WNT3A: variants seen among roughly 807,000 people sequenced by gnomAD.
WNT3A encodes Wnt family member 3A.
In WNT3A, 17 loss-of-function variants were observed where a neutral mutation model predicts 37.0. That is an observed-to-expected ratio of 0.46 (90% CI 0.31 to 0.69). The LOEUF is 0.69. Ranked by LOEUF, WNT3A falls within the 30% of genes least tolerant of loss-of-function variation. WNT3A has a pLI of 0.05. For missense variants in WNT3A, 411 were observed against 510.2 expected, an observed-to-expected ratio of 0.81 and a Z score of 1.87; for synonymous variants, 187 against 211.0, an observed-to-expected ratio of 0.89 and a Z score of 0.99.
At position 228,050,933 on chromosome 1, in the gene WNT3A, GC is replaced by G; in HGVS notation, c.579+15del. On this transcript the variant is annotated intron_variant, in intron 3 of 3. Coordinates refer to ENST00000284523, the MANE Select transcript of WNT3A (RefSeq NM_033131.4). The surrounding 1 kb of genome is among the most constrained non-coding windows in gnomAD (Gnocchi z 5.0). The stretch of plus-strand genomic sequence containing the variant: ...AGGCTGGGCGCCAGGTAGGTTCGCC[GC>G]CCGCAAGGGTGCTTGGGAAAAAGGA... The G allele has an allele frequency of 6.6e-7, 1 of 1,520,576 alleles. No individual in the cohort carries two copies. Among genetic ancestry groups the G allele is most frequent in the Non-Finnish European group, 8.8e-7 (1 of 1,135,010 alleles). The allele number at this position is 1,520,576 out of a possible 1,614,324, so 94.2% of individuals were successfully genotyped here. A position where few individuals can be genotyped will look rare whatever the true frequency, so the allele number is the denominator to read the frequency against.
At chr1:228,055,861 C>G (rs922083155) in intron 3 of WNT3A, among the ~76,000 whole-genome samples, 1 of 152,186 alleles carries the variant, frequency 6.6e-6, no homozygotes, top group African/African-American at 2.4e-5. Context: ...GTTGCTGAAG[C>G]CTGGAGGTTT....
rs2030242711 is a variant in WNT3A, at chr1:228,007,740, G to A, written c.71+541G>A. Among the ~76,000 whole-genome samples the A allele has an allele frequency of 6.6e-6, 1 of 152,112 alleles. No individual in the cohort carries two copies. The highest frequency in any genetic ancestry group is 1.5e-5 in the Non-Finnish European group (1 of 68,000). ...GGGGAGTGGCGCAGAGCCGGCGGCG[G>A]GGCGCACTGGGGGCCGGCCCTGGGC... On this transcript the variant is annotated intron_variant, in intron 1 of 3. Transcript: ENST00000284523. The surrounding 1 kb of genome is among the most constrained non-coding windows in gnomAD (Gnocchi z 6.0).
intron 2 of WNT3A, among the ~76,000 whole-genome samples, chr1:228,035,167 A>C (rs1439683043): frequency 6.6e-6 from 1 of 152,164 alleles, no homozygotes; most frequent in Non-Finnish European, 1.5e-5. Flanking sequence ...TGAATCTTGA[A>C]GGATTTTCTT....
chr1:228,015,499 C>T (rs1558284248), intron 1 of WNT3A, among the ~76,000 whole-genome samples: 1 of 152,194 alleles, frequency 6.6e-6, no homozygotes, highest in Non-Finnish European at 1.5e-5. Flanking sequence ...ATGAATTCCT[C>T]ATCCGGTGAA....
intron 3 of WNT3A, among the ~76,000 whole-genome samples, chr1:228,055,178 AAATATATATATATATAT>A (rs1266186668): frequency 1.1e-4 from 5 of 46,984 alleles, no homozygotes; most frequent in African/African-American, 4.8e-4. Flanking sequence ...AAAAAAAAAA[AAATATATATATATATAT>A]ATATATATAT....
chr1:228,041,776 C>A (rs1006620322), intron 2 of WNT3A, among the ~76,000 whole-genome samples: 1 of 152,182 alleles, frequency 6.6e-6, no homozygotes, highest in African/African-American at 2.4e-5. Context: ...GGCAAAAAAC[C>A]TAACACACAC....
chr1:228,027,924 T>TTGA (rs1412296989), intron 2 of WNT3A, among the ~76,000 whole-genome samples: 1 of 152,256 alleles, frequency 6.6e-6, no homozygotes, highest in Non-Finnish European at 1.5e-5. Flanking sequence ...ATTTAAGGCT[T>TTGA]TGATCCATCT....
chr1:228,059,638 C>T lies in WNT3A; in HGVS notation c.*173C>T, dbSNP rs1168971995. On this transcript the variant is annotated 3_prime_UTR_variant, in exon 4 of 4. Transcript: ENST00000284523. ...AGAACTCCTACCTGAAGGCAGGGCTCCTCCCTGGAGCTAGTGTCTCCTCTC... is the reference window on the plus strand; with the variant it reads ...AGAACTCCTACCTGAAGGCAGGGCTTCTCCCTGGAGCTAGTGTCTCCTCTC... The T allele has an allele frequency of 2.0e-5, 28 of 1,379,004 alleles. No individual in the cohort carries two copies. Among genetic ancestry groups the T allele is most frequent in the South Asian group, 3.5e-5 (2 of 57,374 alleles). 85.4% of individuals were successfully genotyped at this position (1,379,004 alleles called of 1,614,324 possible).
chr1:228,052,049 C>G (rs896831533), intron 3 of WNT3A, among the ~76,000 whole-genome samples: 2 of 152,160 alleles, frequency 1.3e-5, no homozygotes, highest in African/African-American at 4.8e-5. Context: ...AACACAGATC[C>G]AAACCGTATC....
intron 2 of WNT3A, among the ~76,000 whole-genome samples, chr1:228,025,042 C>A (rs2030818738): frequency 6.6e-6 from 1 of 152,112 alleles, no homozygotes; most frequent in South Asian, 2.1e-4. Flanking sequence ...ATTGTTGTAG[C>A]TTTGTGGTAT....
Position 228,050,582 on chromosome 1 carries a change from T to G in WNT3A, c.314-74T>G. 1 of 1,502,538 alleles carries G rather than the reference T, an allele frequency of 6.7e-7. No homozygotes were observed. The highest frequency in any genetic ancestry group is 1.3e-5 in the South Asian group (1 of 74,922). The allele number at this position is 1,502,538 out of a possible 1,614,324, so 93.1% of individuals were successfully genotyped here. A position where few individuals can be genotyped will look rare whatever the true frequency, so the allele number is the denominator to read the frequency against. On this transcript the variant is annotated intron_variant, in intron 2 of 3. Transcript: ENST00000284523. The surrounding 1 kb of genome is among the most constrained non-coding windows in gnomAD (Gnocchi z 5.0). The stretch of plus-strand genomic sequence containing the variant: ...TTCCTTTATAACAATGCAAATGGGC[T>G]AAGACCCCTGACCTGCCCAAGGCGG...
At position 228,059,412 on chromosome 1, in the gene WNT3A, TACGTCAGCTGCCAGGAGTGC is replaced by T. The variant is rs1416137144; in HGVS notation, c.1010_1029del (p.Val337AlafsTer38). ...CCGCTGCGTGTTCCACTGGTGCTGC[TACGTCAGCTGCCAGGAGTGC>T]ACGCGCGTCTACGACGTGCACACCT... On this transcript the variant is annotated frameshift_variant, in exon 4 of 4. Coordinates refer to ENST00000284523, the MANE Select transcript of WNT3A (RefSeq NM_033131.4). LOFTEE classifies it high-confidence loss of function. 1 of 1,553,212 alleles carries T rather than the reference TACGTCAGCTGCCAGGAGTGC, an allele frequency of 6.4e-7. No individual in the cohort carries two copies.
At chr1:228,058,943 C>A in intron 3 of WNT3A, 43 bp from the exon 4 acceptor site, 3 of 1,554,504 alleles carry the variant, frequency 1.9e-6, no homozygotes, top group Non-Finnish European at 2.6e-6. Flanking sequence ...GGGAGACGCA[C>A]CAGGGGGCCG....
intron 2 of WNT3A, among the ~76,000 whole-genome samples, chr1:228,047,942 A>T (rs1302883621): frequency 6.6e-6 from 1 of 152,042 alleles, no homozygotes. Flanking sequence ...AGCCCTGGAG[A>T]TCACAGTTCA....
chr1:228,048,439 C>G (rs2031473771), intron 2 of WNT3A, among the ~76,000 whole-genome samples: 1 of 152,230 alleles, frequency 6.6e-6, no homozygotes, highest in Non-Finnish European at 1.5e-5. Flanking sequence ...TGCCCAGCAG[C>G]AGGTCAGGCT....
At chr1:228,026,186 G>C (rs1420576939) in intron 2 of WNT3A, among the ~76,000 whole-genome samples, 1 of 151,262 alleles carries the variant, frequency 6.6e-6, no homozygotes, top group East Asian at 1.9e-4. Flanking sequence ...TAATTTGTTT[G>C]TTAGCTTTGA....
chr1:228,058,445 C>T (rs1403626380), intron 3 of WNT3A, among the ~76,000 whole-genome samples: 1 of 152,348 alleles, frequency 6.6e-6, no homozygotes, highest in African/African-American at 2.4e-5. Flanking sequence ...CGCTCCTCAG[C>T]GAGGTCCTGC....
chr1:228,021,409 C>T (rs2030703312), intron 1 of WNT3A, among the ~76,000 whole-genome samples: 1 of 152,236 alleles, frequency 6.6e-6, no homozygotes, highest in South Asian at 2.1e-4. Context: ...GTGCTGACCT[C>T]TCCCGCGGAT....
intron 2 of WNT3A, among the ~76,000 whole-genome samples, chr1:228,045,391 G>GTC (rs1489086295): frequency 1.3e-5 from 2 of 152,192 alleles, no homozygotes; most frequent in Admixed American, 6.5e-5. Context: ...AGGAGGGCAG[G>GTC]TGGAGCTGTG....
Sources: allele counts gnomAD v4.1 joint callset (sites outside exome capture counted in the v4.1 genomes callset), GRCh38; gene constraint gnomAD v4.1.1; non-coding constraint Gnocchi (gnomAD v3.1); transcripts MANE v1.5; gene names NCBI Gene and HGNC (gene_info 2026-07-23, HGNC 2026-07-21).